The following KCNIP1 variants were observed in gnomAD, a reference collection of about 807,000 sequenced individuals.
The protein encoded by KCNIP1 is A-type potassium channel modulatory protein KCNIP1.
Under a neutral mutation model 33.0 loss-of-function variants are expected in KCNIP1, and 18 were observed. The ratio of observed to expected loss-of-function variants is 0.55; its 90% CI spans 0.38 to 0.81. The LOEUF is 0.81. Among genes scored for constraint, KCNIP1 ranks in the 30% least tolerant of loss-of-function variants. The pLI, the probability that KCNIP1 is intolerant of heterozygous loss-of-function variation, is 0.00. For synonymous variants in KCNIP1, 93 were observed against 98.3 expected (o/e 0.95, Z 0.32); for missense variants, 238 against 271.6 (o/e 0.88, Z 0.87).
intron 1 of KCNIP1, among the ~76,000 whole-genome samples, chr5:170,626,196 C>G (rs1759815507): frequency 6.6e-6 from 1 of 152,216 alleles, no homozygotes; most frequent in Non-Finnish European, 1.5e-5. Flanking sequence ...CACGCATGCT[C>G]TAATCATTAC....
At chr5:170,573,607 T>C (rs1267302045) in intron 1 of KCNIP1, among the ~76,000 whole-genome samples, 3 of 152,168 alleles carry the variant, frequency 2.0e-5, no homozygotes, top group African/African-American at 7.2e-5. Flanking sequence ...TAAGGTCTAC[T>C]ACTGAAGAAT....
intron 1 of KCNIP1, among the ~76,000 whole-genome samples, chr5:170,650,038 T>C (rs1160321308): frequency 2.0e-5 from 3 of 152,142 alleles, no homozygotes; most frequent in Admixed American, 2.0e-4. Flanking sequence ...GTGGCTCCTG[T>C]GCAGTTGGGA....
intron 1 of KCNIP1, among the ~76,000 whole-genome samples, chr5:170,583,090 G>A (rs1757859341): frequency 6.6e-6 from 1 of 152,190 alleles, no homozygotes; most frequent in African/African-American, 2.4e-5. Flanking sequence ...TAATGGAGGA[G>A]GGAAAACCAG....
chr5:170,390,798 A>T (rs1383416664), intron 1 of KCNIP1, among the ~76,000 whole-genome samples: 1 of 151,904 alleles, frequency 6.6e-6, no homozygotes, highest in Non-Finnish European at 1.5e-5. Context: ...CACCTCGATC[A>T]TACAGTAAGC....
At chr5:170,505,522 C>G (rs1220846280) in intron 1 of KCNIP1, among the ~76,000 whole-genome samples, 1 of 152,192 alleles carries the variant, frequency 6.6e-6, no homozygotes, top group Non-Finnish European at 1.5e-5. Flanking sequence ...AGATTTTAAG[C>G]AGCTTGACAC....
intron 1 of KCNIP1, among the ~76,000 whole-genome samples, chr5:170,601,242 C>T (rs890595338): frequency 2.0e-5 from 3 of 152,224 alleles, no homozygotes; most frequent in Non-Finnish European, 4.4e-5. Flanking sequence ...CCGGGGACGG[C>T]TGGGAGTCAC....
At chr5:170,451,770 T>TGTGTGTGTGTGTGTGTGTGTG (rs1215207951) in intron 1 of KCNIP1, among the ~76,000 whole-genome samples, 15 of 147,602 alleles carry the variant, frequency 1.0e-4, no homozygotes, top group African/African-American at 3.3e-4. Flanking sequence ...TGTGTGTGTG[T>TGTGTGTGTGTGTGTGTGTGTG]TTGCAGGGGG....
chr5:170,504,291 G>C lies in KCNIP1; in HGVS notation c.-282G>C. On this transcript the variant is annotated 5_prime_UTR_variant, in exon 1 of 8. Transcript: ENST00000328939. This position sits in a 1 kb window ranked among gnomAD's most constrained non-coding sequence, Gnocchi z 6.0. ...GGCAGGCTTCAGGGCACCGTCCTCG[G>C]CCCTGGGCGAGGGAACCGCCGGGCC... The C allele has an allele frequency of 7.5e-7, 1 of 1,326,618 alleles. No individual in the cohort carries two copies. The highest frequency in any genetic ancestry group is 3.3e-5 in the East Asian group (1 of 30,276). 82.2% of individuals were successfully genotyped at this position (1,326,618 alleles called of 1,614,324 possible). A position where few individuals can be genotyped will look rare whatever the true frequency, so the allele number is the denominator to read the frequency against.
At chr5:170,596,994 G>A (rs1308723537) in intron 1 of KCNIP1, among the ~76,000 whole-genome samples, 1 of 152,210 alleles carries the variant, frequency 6.6e-6, no homozygotes, top group Non-Finnish European at 1.5e-5. Context: ...TATGCTGTAG[G>A]TGAGTTTTAC....
chr5:170,498,171 G>A (rs2113216797), intron 1 of KCNIP1, among the ~76,000 whole-genome samples: 1 of 152,358 alleles, frequency 6.6e-6, no homozygotes, highest in South Asian at 2.1e-4. Context: ...AGGGGAAAGT[G>A]AGGCATGGAG....
intron 1 of KCNIP1, among the ~76,000 whole-genome samples, chr5:170,646,007 A>G (rs907330366): frequency 1.3e-5 from 2 of 152,236 alleles, no homozygotes; most frequent in African/African-American, 4.8e-5. Flanking sequence ...CATGAAATGA[A>G]CCAATTCTTT....
chr5:170,369,907 C>G (rs1051835198), intron 1 of KCNIP1, among the ~76,000 whole-genome samples: 1 of 152,228 alleles, frequency 6.6e-6, no homozygotes, highest in Non-Finnish European at 1.5e-5. Context: ...GAAGTGGACT[C>G]TCAAGGAAGC....
chr5:170,651,815 C>T (rs1184606556), intron 1 of KCNIP1, among the ~76,000 whole-genome samples: 1 of 152,154 alleles, frequency 6.6e-6, no homozygotes, highest in Admixed American at 6.5e-5. Flanking sequence ...CTGCAGATCT[C>T]GCTCCATGCT....
At chr5:170,516,907 T>C (rs968733931) in intron 1 of KCNIP1, among the ~76,000 whole-genome samples, 7 of 152,212 alleles carry the variant, frequency 4.6e-5, no homozygotes, top group African/African-American at 1.2e-4. Flanking sequence ...GGGATCAGTA[T>C]TAGATGACAA....
At chr5:170,580,961 G>A (rs970744945) in intron 1 of KCNIP1, among the ~76,000 whole-genome samples, 15 of 152,190 alleles carry the variant, frequency 9.9e-5, no homozygotes, top group African/African-American at 3.4e-4. Flanking sequence ...AGTATCTCAA[G>A]TACAGATACA....
chr5:170,562,526 G>C (rs1300057436), intron 1 of KCNIP1, among the ~76,000 whole-genome samples: 2 of 152,120 alleles, frequency 1.3e-5, no homozygotes, highest in Non-Finnish European at 2.9e-5. Flanking sequence ...GTCTTCACTG[G>C]CCTCTCCTCC....
At chr5:170,691,223 C>A (rs958806787) in intron 1 of KCNIP1, among the ~76,000 whole-genome samples, 1 of 152,176 alleles carries the variant, frequency 6.6e-6, no homozygotes, top group Non-Finnish European at 1.5e-5. Flanking sequence ...GCAGCAAACA[C>A]AAAACACTGA....
chr5:170,451,411 G>A (rs894588128), intron 1 of KCNIP1, among the ~76,000 whole-genome samples: 3 of 151,912 alleles, frequency 2.0e-5, no homozygotes, highest in Non-Finnish European at 4.4e-5. Context: ...CCATCCTTTT[G>A]TAAGTTCTTC....
intron 2 of KCNIP1, 29 bp downstream of exon 2, chr5:170,718,911 G>A (rs957207798): frequency 1.9e-6 from 3 of 1,574,070 alleles, no homozygotes; most frequent in South Asian, 2.3e-5. Flanking sequence ...CTGAAGGCCT[G>A]GGGGGGGTTC....
Sources: allele counts gnomAD v4.1 joint callset (sites outside exome capture counted in the v4.1 genomes callset), GRCh38; gene constraint gnomAD v4.1.1; non-coding constraint Gnocchi (gnomAD v3.1); transcripts MANE v1.5; gene names NCBI Gene and HGNC (gene_info 2026-07-23, HGNC 2026-07-21).